LNX1: variants seen among roughly 807,000 people sequenced by gnomAD.
LNX1 encodes the protein ligand of numb-protein X 1.
A neutral mutation model predicts 68.4 loss-of-function variants in LNX1; 54 were observed. The observed-to-expected ratio is 0.79, with a 90% confidence interval of 0.63 to 0.99. The LOEUF (loss-of-function observed/expected upper bound fraction) is 0.99. Ranked by LOEUF, LNX1 falls within the 50% of genes least tolerant of loss-of-function variation. The probability of loss-of-function intolerance (pLI) is 0.00; values close to 1 mark genes in which losing one functional copy is unlikely to be tolerated. For missense variants in LNX1, 906 were observed against 926.4 expected (o/e 0.98, Z 0.29); for synonymous variants, 336 against 350.0 (o/e 0.96, Z 0.45).
At chr4:53,496,634 A>C in intron 5 of LNX1, 4 of 430,214 alleles carry the variant, frequency 9.3e-6, no homozygotes, top group South Asian at 7.3e-5. Context: ...CCTTGTTCTT[A>C]CCCAAGCCCA....
At chr4:53,475,531 GA>G (rs1723507111) in intron 9 of LNX1, among the ~76,000 whole-genome samples, 3 of 152,182 alleles carry the variant, frequency 2.0e-5, no homozygotes, top group African/African-American at 7.2e-5. Context: ...AAAAGAGAGA[GA>G]GACTTATCTC....
At chr4:53,553,122 T>C (rs1368334621) in intron 2 of LNX1, among the ~76,000 whole-genome samples, 1 of 152,198 alleles carries the variant, frequency 6.6e-6, no homozygotes, top group Admixed American at 6.5e-5. Flanking sequence ...AAGCTGGCCA[T>C]ATGAACATTA....
At chr4:53,571,320 A>G (rs1731152280) in intron 2 of LNX1, among the ~76,000 whole-genome samples, 1 of 150,392 alleles carries the variant, frequency 6.6e-6, no homozygotes, top group Non-Finnish European at 1.5e-5. Flanking sequence ...TGCCCCGCGT[A>G]AATTAAGAAT....
At position 53,511,010 on chromosome 4, in the gene LNX1, A is replaced by G. The variant is rs1405426097; in HGVS notation, c.381-2783T>C. On this transcript the variant is annotated intron_variant, in intron 2 of 10. Transcript: ENST00000263925. ...CTTTCAAATTCTTGGGGTTCTAAAG[A>G]TAAGTTTTTGAGTCCAGGAAAGGAA... is the stretch of plus-strand genomic sequence containing the variant. 3.9e-5 allele frequency among the ~76,000 whole-genome samples: 6 copies of G among 152,216 alleles called. No homozygotes were observed. The East Asian group carries it at 1.2e-3, about 29-fold the overall frequency.
At position 53,549,954 on chromosome 4, in the gene LNX1, G is replaced by T. The variant is rs79264616; in HGVS notation, c.380+23669C>A. Among the ~76,000 whole-genome samples the T allele has an allele frequency of 4.0e-3, 612 of 152,302 alleles. 2 individuals are homozygous for T. The highest frequency in any genetic ancestry group is 0.014 in the African/African-American group (590 of 41,546). ...AGCATCAGAGTGGCATCTTGAAACT[G>T]CTGGGTTTTGTTTAGGGTGGCCTCC... On this transcript the variant is annotated intron_variant, in intron 2 of 10. Transcript: ENST00000263925.
Position 53,544,422 on chromosome 4 carries a change from T to C in LNX1, c.380+29201A>G, listed in dbSNP as rs1164973111. ...GTTGGCCAGGCTAGTCTCAAACTAC[T>C]GAACTCAGGTGATCCACCCCTTCGG... On this transcript the variant is annotated intron_variant, in intron 2 of 10. Coordinates refer to ENST00000263925, the MANE Select transcript of LNX1 (RefSeq NM_001126328.3). Among the ~76,000 whole-genome samples the C allele has an allele frequency of 2.0e-5, 3 of 152,234 alleles. No homozygotes were observed. In the East Asian group the frequency reaches 5.8e-4, roughly 30 times the overall value.
chr4:53,512,292 A>G (rs1726404704), intron 2 of LNX1, among the ~76,000 whole-genome samples: 1 of 150,124 alleles, frequency 6.7e-6, no homozygotes, highest in South Asian at 2.1e-4. Context: ...AGATTCGAAA[A>G]TCTTAAAAAC....
At chr4:53,517,502 T>C (rs1292400600) in intron 2 of LNX1, among the ~76,000 whole-genome samples, 2 of 152,148 alleles carry the variant, frequency 1.3e-5, no homozygotes, top group African/African-American at 2.4e-5. Flanking sequence ...ATAATACAAC[T>C]TCTATTCATA....
chr4:53,582,480 A>T (rs1044144051), intron 1 of LNX1, among the ~76,000 whole-genome samples: 2 of 152,252 alleles, frequency 1.3e-5, no homozygotes, highest in Admixed American at 6.5e-5. Context: ...AGTTCTCTCC[A>T]GCAAGGACAC....
chr4:53,503,908 C>T (rs187276065), intron 4 of LNX1, among the ~76,000 whole-genome samples: 71 of 152,272 alleles, frequency 4.7e-4, no homozygotes, highest in African/African-American at 1.5e-3. Context: ...CCGAGGCAGG[C>T]GGATGACCTG....
At chr4:53,616,668 T>A (rs1733692071) in intron 1 of LNX1, 1 of 152,190 alleles carries the variant, frequency 6.6e-6, no homozygotes, top group Non-Finnish European at 1.5e-5. Flanking sequence ...ATAATAGTAG[T>A]AACAGCAGCA....
intron 2 of LNX1, among the ~76,000 whole-genome samples, chr4:53,610,518 T>A (rs1171048857): frequency 2.0e-5 from 3 of 151,814 alleles, no homozygotes; most frequent in African/African-American, 7.3e-5. Flanking sequence ...CCATCCTGGC[T>A]AACACGGTGA....
chr4:53,587,487 T>C (rs1315844557), intron 1 of LNX1, among the ~76,000 whole-genome samples: 1 of 152,180 alleles, frequency 6.6e-6, no homozygotes, highest in Non-Finnish European at 1.5e-5. Context: ...AGAGAGTCTA[T>C]GTAATGTCAG....
At chr4:53,617,725 A>G (rs1334046687), upstream of LNX1, among the ~76,000 whole-genome samples, 1 of 152,228 alleles carries the variant, frequency 6.6e-6, no homozygotes, top group Non-Finnish European at 1.5e-5. Context: ...CATTCAGTCC[A>G]GCCACTAAAT....
intron 2 of LNX1, among the ~76,000 whole-genome samples, chr4:53,563,817 G>C (rs1187123320): frequency 6.6e-6 from 1 of 152,218 alleles, no homozygotes; most frequent in Non-Finnish European, 1.5e-5. Context: ...ACAGGCATGG[G>C]CCACTGCACC....
At chr4:53,472,037 C>T (rs1424018823) in intron 9 of LNX1, among the ~76,000 whole-genome samples, 1 of 152,204 alleles carries the variant, frequency 6.6e-6, no homozygotes, top group Non-Finnish European at 1.5e-5. Flanking sequence ...CACATGCACA[C>T]TTATGTTTAT....
intron 2 of LNX1, among the ~76,000 whole-genome samples, chr4:53,609,405 A>G (rs2109845709): frequency 6.6e-6 from 1 of 151,774 alleles, no homozygotes; most frequent in Admixed American, 6.6e-5. Context: ...CCCATAAACC[A>G]TTGCCAAAAA....
chr4:53,470,626 A>T (rs890736807), intron 9 of LNX1, among the ~76,000 whole-genome samples: 3 of 152,232 alleles, frequency 2.0e-5, no homozygotes, highest in Admixed American at 6.5e-5. Context: ...TAAGCTGATA[A>T]GCAACTTCAG....
intron 3 of LNX1, among the ~76,000 whole-genome samples, 162 bp downstream of exon 3, chr4:53,507,824 G>A (rs1405025920): frequency 6.6e-6 from 1 of 152,050 alleles, no homozygotes; most frequent in African/African-American, 2.4e-5. Flanking sequence ...AGGTACTTGC[G>A]GTTTCATTTC....
Sources: allele counts gnomAD v4.1 joint callset (sites outside exome capture counted in the v4.1 genomes callset), GRCh38; gene constraint gnomAD v4.1.1; transcripts MANE v1.5; gene names NCBI Gene and HGNC (gene_info 2026-07-23, HGNC 2026-07-21).